The following RASGRP1 variants were observed in gnomAD, a reference collection of about 807,000 sequenced individuals.
RASGRP1 encodes RAS guanyl releasing protein 1, also known as RAS guanyl-releasing protein 1.
RASGRP1 carries 37 observed loss-of-function variants against 95.1 expected under a neutral mutation model. That is an observed-to-expected ratio of 0.39 (90% CI 0.30 to 0.51). The LOEUF (loss-of-function observed/expected upper bound fraction) is 0.51, where lower values mean the gene tolerates loss of function less well. Ranked by LOEUF, RASGRP1 falls within the 20% of genes least tolerant of loss-of-function variation. The pLI, the probability that RASGRP1 is intolerant of heterozygous loss-of-function variation, is 0.80. For synonymous variants in RASGRP1, 325 were observed against 353.4 expected, an observed-to-expected ratio of 0.92 and a Z score of 0.90; for missense variants, 711 against 965.4, an observed-to-expected ratio of 0.74 and a Z score of 3.49.
At chr15:38,522,273 A>G (rs1177620383) in intron 3 of RASGRP1, among the ~76,000 whole-genome samples, 1 of 152,196 alleles carries the variant, frequency 6.6e-6, no homozygotes, top group African/African-American at 2.4e-5. Flanking sequence ...ATTTTTCAGT[A>G]CCCTTGCAAT....
intron 14 of RASGRP1, chr15:38,499,172 AGTATCCTGATATCTTGGAGGGAAGAGATG>A: frequency 1.5e-6 from 1 of 685,552 alleles, no homozygotes; most frequent in Non-Finnish European, 2.7e-6. Flanking sequence ...CATCAGAAGC[AGTATCCTGATATCTTGGAGGGAAGAGATG>A]GTGTCCTGGT....
At chr15:38,512,519 A>C (rs1891575226) in intron 7 of RASGRP1, among the ~76,000 whole-genome samples, 1 of 152,188 alleles carries the variant, frequency 6.6e-6, no homozygotes, top group Admixed American at 6.5e-5. Flanking sequence ...TCTTTTGAAA[A>C]ATGTTAAAGG....
Position 38,490,460 on chromosome 15 carries a change from G to T in RASGRP1, c.*94C>A. ...TTTCCTTTTAAAGTACTGTTTTAAA[G>T]CTGGTCAGTGTAAAGTTCCTCAGGT... is the stretch of plus-strand genomic sequence containing the variant. On this transcript the variant is annotated 3_prime_UTR_variant, in exon 17 of 17. Transcript: ENST00000310803. 7.7e-7 allele frequency: 1 copy of T among 1,292,238 alleles called. No individual in the cohort carries two copies. The highest frequency in any genetic ancestry group is 1.0e-6 in the Non-Finnish European group (1 of 965,492). 80.0% of individuals were successfully genotyped at this position (1,292,238 alleles called of 1,614,324 possible). A position where few individuals can be genotyped will look rare whatever the true frequency, so the allele number is the denominator to read the frequency against.
intron 13 of RASGRP1, among the ~76,000 whole-genome samples, chr15:38,500,466 C>G (rs1382014089): frequency 6.6e-6 from 1 of 152,104 alleles, no homozygotes; most frequent in Non-Finnish European, 1.5e-5. Context: ...CTCAGTTTCC[C>G]AAGTAGCTGG....
At chr15:38,556,821 G>A (rs1054364464) in intron 2 of RASGRP1, among the ~76,000 whole-genome samples, 2 of 152,236 alleles carry the variant, frequency 1.3e-5, no homozygotes, top group African/African-American at 4.8e-5. Flanking sequence ...TTGAGAGGCA[G>A]TAGAAACTAA....
intron 2 of RASGRP1, among the ~76,000 whole-genome samples, chr15:38,555,551 A>C (rs573865489): frequency 2.0e-5 from 3 of 152,196 alleles, no homozygotes; most frequent in Non-Finnish European, 1.5e-5. Context: ...AGTGGCTGCT[A>C]GGGGTAGGGG....
chr15:38,551,157 T>C (rs540854475), intron 2 of RASGRP1, among the ~76,000 whole-genome samples: 1 of 152,336 alleles, frequency 6.6e-6, no homozygotes, highest in South Asian at 2.1e-4. Context: ...ACAGTCTAAA[T>C]TAATAATTTT....
In RASGRP1 at chr15:38,512,978, C is replaced by T. The variant is rs1022800716; in HGVS notation, c.676-22G>A. 4 of 1,482,550 alleles carry T rather than the reference C, an allele frequency of 2.7e-6. No individual in the cohort carries two copies. In the African/African-American group the frequency reaches 4.3e-5, roughly 16 times the overall value. 91.8% of individuals were successfully genotyped at this position (1,482,550 alleles called of 1,614,324 possible). On this transcript the variant is annotated intron_variant, in intron 6 of 16. Transcript: ENST00000310803. ...AGAACTGCAGGAAAAGAAACAACAA[C>T]AACAAAAAAAACCTATCAGTACTGT...
intron 10 of RASGRP1, chr15:38,504,484 A>C (rs1241539712): frequency 6.6e-6 from 1 of 152,144 alleles, no homozygotes; most frequent in Non-Finnish European, 1.5e-5. Flanking sequence ...AATTACACTC[A>C]TTGGCCTATG....
intron 1 of RASGRP1, among the ~76,000 whole-genome samples, chr15:38,562,141 T>A (rs7165385): frequency 6.6e-6 from 1 of 152,196 alleles, no homozygotes; most frequent in Non-Finnish European, 1.5e-5. Context: ...CTCTGCACAT[T>A]TCACAACATC....
intron 8 of RASGRP1, among the ~76,000 whole-genome samples, chr15:38,508,421 C>CATTG (rs1465617272): frequency 6.6e-6 from 1 of 152,164 alleles, no homozygotes; most frequent in Non-Finnish European, 1.5e-5. Context: ...AGAGACACTG[C>CATTG]ATTGATTAAC....
At chr15:38,501,857 G>GTT (rs199551123) in intron 12 of RASGRP1, among the ~76,000 whole-genome samples, 94 of 140,926 alleles carry the variant, frequency 6.7e-4, no homozygotes, top group Non-Finnish European at 7.0e-4. Flanking sequence ...TTCAGTTTTT[G>GTT]TTTTTTTTTT....
intron 2 of RASGRP1, among the ~76,000 whole-genome samples, chr15:38,537,605 A>T (rs749884593): frequency 2.0e-5 from 3 of 152,198 alleles, no homozygotes; most frequent in South Asian, 2.1e-4. Context: ...ATATCTCATG[A>T]GAACTCACTA....
chr15:38,551,863 A>T (rs1449516602), intron 2 of RASGRP1, among the ~76,000 whole-genome samples: 1 of 152,242 alleles, frequency 6.6e-6, no homozygotes, highest in Non-Finnish European at 1.5e-5. Flanking sequence ...CTGGAAATAC[A>T]GTAGGCAAAC....
intron 8 of RASGRP1, 111 bp from the exon 9 acceptor site, chr15:38,508,112 T>G (rs1375023916): frequency 7.8e-7 from 1 of 1,278,154 alleles, no homozygotes. Flanking sequence ...CATCCAGAAT[T>G]TGTTGAGCAG....
Position 38,503,285 on chromosome 15 carries a change from T to C in RASGRP1, c.1415A>G (p.Gln472Arg). The C allele has an allele frequency of 1.2e-6, 2 of 1,608,978 alleles. No individual in the cohort carries two copies. Among genetic ancestry groups the C allele is most frequent in the Middle Eastern group, 3.3e-4 (2 of 6,052 alleles). The change falls in exon 11 of 17, where the codon CAG (glutamine) becomes CGG (arginine). Residue 472 changes from glutamine (Q) to arginine (R), a missense_variant. Transcript: ENST00000310803. ...AGCTGTACTTACATCCACCATCCTCTGGACGTGTTTGCTAATGGTTTTTGG... is the reference window on the plus strand; with the variant it reads ...AGCTGTACTTACATCCACCATCCTCCGGACGTGTTTGCTAATGGTTTTTGG... The part of the protein sequence containing the change: ...PDPKTISKHV[Q>R]RMVDSVFKNY...
intron 7 of RASGRP1, 36 bp from the exon 8 acceptor site, chr15:38,511,756 G>T: frequency 6.6e-7 from 1 of 1,510,262 alleles, no homozygotes; most frequent in Non-Finnish European, 9.2e-7. Flanking sequence ...CAGAGTCACT[G>T]TACATGTCAG....
Position 38,512,795 on chromosome 15 carries a change from G to C in RASGRP1, c.837C>G (p.Ile279Met). Residue 279 changes from isoleucine (I) to methionine (M), a missense_variant, in exon 7 of 17, where the codon ATC (isoleucine) becomes ATG (methionine). Around this residue, in one of 3 missense-constraint regions of RASGRP1, gnomAD observed 491 missense variants for 676.6 expected, o/e 0.73. Transcript: ENST00000310803. Reference protein sequence around the residue: ...QLRAEVFIKFIQVAQKLHQLQ... With the variant: ...QLRAEVFIKFMQVAQKLHQLQ... ...ACCAGTTATTCACCTGAGCCACCTG[G>C]ATGAACTTGATGAAGACTTCTGCTC... 1 of 1,613,698 alleles carries C rather than the reference G, an allele frequency of 6.2e-7. No homozygotes were observed.
At chr15:38,561,770 A>G (rs1893821247) in intron 1 of RASGRP1, among the ~76,000 whole-genome samples, 1 of 152,208 alleles carries the variant, frequency 6.6e-6, no homozygotes, top group Admixed American at 6.5e-5. Flanking sequence ...GCATCTGCTA[A>G]CCCTAGGCAG....
Sources: allele counts gnomAD v4.1 joint callset (sites outside exome capture counted in the v4.1 genomes callset), GRCh38; gene constraint gnomAD v4.1.1; regional missense constraint gnomAD v4.1.1; transcripts MANE v1.5; gene names NCBI Gene and HGNC (gene_info 2026-07-23, HGNC 2026-07-21).